Variants in OPHN1 observed in about 807,000 individuals in gnomAD.
OPHN1 encodes oligophrenin 1, also known as oligophrenin-1.
In OPHN1, 11 loss-of-function variants were observed where a neutral mutation model predicts 60.7. That is an observed-to-expected ratio of 0.18 (90% CI 0.11 to 0.30). OPHN1 has a LOEUF of 0.30. OPHN1 is among the 10% of genes least tolerant of loss of function. The probability of loss-of-function intolerance (pLI) is 1.00; values close to 1 mark genes in which losing one functional copy is unlikely to be tolerated. For synonymous variants in OPHN1, 226 were observed against 222.6 expected (o/e 1.02, Z -0.14); for missense variants, 449 against 611.0 (o/e 0.73, Z 2.80).
At chrX:68,097,668 C>T (rs2077042897) in intron 18 of OPHN1, among the ~76,000 whole-genome samples, 1 of 111,390 alleles carries the variant, frequency 9.0e-6, no homozygotes, top group Non-Finnish European at 1.9e-5. Flanking sequence ...TTAGTGGCTT[C>T]CTACTTTGGG....
chrX:68,165,459 AACT>A (rs1202157861), intron 15 of OPHN1, among the ~76,000 whole-genome samples: 1 of 111,302 alleles, frequency 9.0e-6, no homozygotes, highest in Non-Finnish European at 1.9e-5. Context: ...AGAGATAAGG[AACT>A]ACTGATTGGC....
At chrX:68,219,540 C>A (rs1311545331) in intron 6 of OPHN1, among the ~76,000 whole-genome samples, 4 of 109,242 alleles carry the variant, frequency 3.7e-5, no homozygotes, top group Non-Finnish European at 5.7e-5. Context: ...GTAAAGCTCT[C>A]CTCAGCAAAT....
chrX:68,117,282 A>T (rs900864583), intron 16 of OPHN1, among the ~76,000 whole-genome samples: 1 of 111,521 alleles, frequency 9.0e-6, no homozygotes, highest in African/African-American at 3.3e-5. Context: ...ACTCCTACTT[A>T]GTTGATTCCA....
chrX:68,150,836 T>C (rs1449881077), intron 15 of OPHN1, among the ~76,000 whole-genome samples: 1 of 112,070 alleles, frequency 8.9e-6, no homozygotes, highest in Non-Finnish European at 1.9e-5. Flanking sequence ...AGTAATAGAA[T>C]TTTGTGATTA....
At chrX:68,235,174 G>A (rs1018777867) in intron 5 of OPHN1, among the ~76,000 whole-genome samples, 1 of 112,056 alleles carries the variant, frequency 8.9e-6, no homozygotes, top group Admixed American at 9.5e-5. Context: ...GGGTTGTAAA[G>A]ATTTGTGGCA....
At chrX:68,427,724 AT>A (rs1369218775) in intron 2 of OPHN1, among the ~76,000 whole-genome samples, 1 of 109,932 alleles carries the variant, frequency 9.1e-6, no homozygotes, top group African/African-American at 3.3e-5. Context: ...TTCCTAGCCC[AT>A]TAGAGTCCAA....
At chrX:68,256,963 C>T (rs1003300732) in intron 5 of OPHN1, among the ~76,000 whole-genome samples, 3 of 107,969 alleles carry the variant, frequency 2.8e-5, no homozygotes, top group East Asian at 5.8e-4. Context: ...ACCCGGGAGG[C>T]GGAGGTTGCA....
intron 2 of OPHN1, among the ~76,000 whole-genome samples, chrX:68,338,239 TA>T (rs777092351): frequency 1.8e-5 from 2 of 112,042 alleles, no homozygotes; most frequent in Admixed American, 9.6e-5. Context: ...TATGAAAAGC[TA>T]ACAAGACTTA....
intron 11 of OPHN1, 87 bp downstream of exon 11, chrX:68,201,532 G>A (rs1347839603): frequency 2.8e-6 from 2 of 719,851 alleles, no homozygotes; most frequent in Admixed American, 2.2e-5. Flanking sequence ...TGTCATCAAC[G>A]TGGGATGACG....
At chrX:68,072,351 G>T (rs1468572140) in intron 20 of OPHN1, among the ~76,000 whole-genome samples, 2 of 112,019 alleles carry the variant, frequency 1.8e-5, no homozygotes, top group Non-Finnish European at 3.8e-5. Flanking sequence ...CACAGGAAAA[G>T]AACATGATCA....
At chrX:68,398,519 A>C (rs1462169097) in intron 2 of OPHN1, among the ~76,000 whole-genome samples, 1 of 112,157 alleles carries the variant, frequency 8.9e-6, no homozygotes, top group Non-Finnish European at 1.9e-5. Context: ...CAGGGCTATC[A>C]GGTTTATAAA....
intron 20 of OPHN1, among the ~76,000 whole-genome samples, chrX:68,069,328 A>G (rs906298108): frequency 8.9e-6 from 1 of 111,908 alleles, no homozygotes; most frequent in African/African-American, 3.2e-5. Flanking sequence ...GATATAGTAA[A>G]AAAAACAAGT....
chrX:68,185,844 T>C (rs17217242), intron 15 of OPHN1, among the ~76,000 whole-genome samples: 4,965 of 109,617 alleles, frequency 0.045, 128 homozygotes, highest in Non-Finnish European at 0.072. Flanking sequence ...TGGAAAAAAT[T>C]GAAAGCCAAT....
chrX:68,379,447 C>G (rs1323052766), intron 2 of OPHN1, among the ~76,000 whole-genome samples: 1 of 105,486 alleles, frequency 9.5e-6, no homozygotes, highest in African/African-American at 3.5e-5. Flanking sequence ...ATTGCCCTGG[C>G]CAGAACTTCC....
rs773124773 is a variant in OPHN1, at chrX:68,182,336, G to T, written c.1276+10583C>A. The stretch of plus-strand genomic sequence containing the variant: ...GATAATGAACTGCTGGGGAATAAAG[G>T]CCTCTCAGGACAGGAAGACTCTGAA... On this transcript the variant is annotated intron_variant, in intron 15 of 24. Transcript: ENST00000355520. Among the ~76,000 whole-genome samples, 16 of 107,417 alleles carry T rather than the reference G, an allele frequency of 1.5e-4. No homozygotes were observed. The Admixed American group carries it at 1.5e-3, about 10-fold the overall frequency. 93.3% of individuals were successfully genotyped at this position (107,417 alleles called of 115,157 possible).
intron 2 of OPHN1, among the ~76,000 whole-genome samples, chrX:68,416,067 T>TATAGAGAGAG (rs2078796884): frequency 2.4e-4 from 2 of 8,340 alleles, no homozygotes; most frequent in Non-Finnish European, 7.5e-4. Flanking sequence ...TATATATATA[T>TATAGAGAGAG]AGAGAGAGAG....
At chrX:68,390,818 A>C (rs1406171933) in intron 2 of OPHN1, among the ~76,000 whole-genome samples, 1 of 112,090 alleles carries the variant, frequency 8.9e-6, no homozygotes, top group Non-Finnish European at 1.9e-5. Flanking sequence ...ATGCTTATTA[A>C]AGACATAGTA....
At chrX:68,321,255 A>G (rs1177770640) in intron 2 of OPHN1, among the ~76,000 whole-genome samples, 1 of 111,604 alleles carries the variant, frequency 9.0e-6, no homozygotes, top group Admixed American at 9.5e-5. Context: ...GCATGGGTCC[A>G]TTATTAGCAT....
intron 17 of OPHN1, among the ~76,000 whole-genome samples, chrX:68,112,735 A>G (rs1360518354): frequency 8.9e-6 from 1 of 111,927 alleles, no homozygotes; most frequent in Non-Finnish European, 1.9e-5. Flanking sequence ...TTTCTCATCT[A>G]GAAAATGTGA....
Sources: gnomAD v4.1 joint callset for allele counts (sites outside exome capture counted in the v4.1 genomes callset) on GRCh38, gnomAD v4.1.1 for gene constraint, MANE v1.5 for transcripts, NCBI Gene and HGNC (gene_info 2026-07-23, HGNC 2026-07-21) for gene names.